The following KIZ variants were observed in gnomAD, a reference collection of about 807,000 sequenced individuals.
KIZ encodes centrosomal protein kizuna.
KIZ carries 68 observed loss-of-function variants against 79.6 expected under a neutral mutation model. The observed-to-expected ratio is 0.85, with a 90% confidence interval of 0.70 to 1.05. The LOEUF is 1.05. KIZ is among the 50% of genes least tolerant of loss of function. The probability of loss-of-function intolerance (pLI) is 0.00; values close to 1 mark genes in which losing one functional copy is unlikely to be tolerated. For synonymous variants in KIZ, 280 were observed against 281.8 expected (o/e 0.99, Z 0.06); for missense variants, 797 against 800.4 (o/e 1.00, Z 0.05).
intron 6 of KIZ, among the ~76,000 whole-genome samples, chr20:21,165,145 T>A (rs1242049362): frequency 1.3e-5 from 2 of 152,222 alleles, no homozygotes; most frequent in Non-Finnish European, 2.9e-5. Flanking sequence ...CTTTAGGGTC[T>A]GTTGGGGGCC....
chr20:21,202,923 T>C (rs1277879214), intron 6 of KIZ, among the ~76,000 whole-genome samples: 1 of 152,176 alleles, frequency 6.6e-6, no homozygotes, highest in Non-Finnish European at 1.5e-5. Flanking sequence ...TCAGTCTTGT[T>C]TTATCTCTCT....
At chr20:21,246,447 A>G in intron 12 of KIZ, 32 bp from the exon 13 acceptor site, 1 of 1,384,952 alleles carries the variant, frequency 7.2e-7, no homozygotes, top group Non-Finnish European at 1.0e-6. Context: ...GAATGCAAAA[A>G]TGTTAAATAA....
intron 7 of KIZ, among the ~76,000 whole-genome samples, chr20:21,210,810 AT>A (rs934926650): frequency 1.3e-5 from 2 of 151,342 alleles, no homozygotes; most frequent in Non-Finnish European, 2.9e-5. Context: ...ATGACATCCA[AT>A]TTTTTTTGTT....
intron 1 of KIZ, 31 bp from the exon 2 acceptor site, chr20:21,132,066 G>A (rs1423439898): frequency 1.1e-6 from 1 of 901,168 alleles, no homozygotes; most frequent in Admixed American, 2.3e-5. Context: ...TACTTATCAT[G>A]TAATTACTTA....
rs1008647963 is a variant in KIZ at position 21,182,310 on chromosome 20, C to G, written c.1352+19151C>G. Reference sequence around the variant, plus strand: ...AATACCAAGGACCCCATCTAGACACCACAGCCTTATATAGCTTCCAAAGAC... The same window carrying G: ...AATACCAAGGACCCCATCTAGACACGACAGCCTTATATAGCTTCCAAAGAC... On this transcript the variant is annotated intron_variant, in intron 6 of 12. Transcript: ENST00000619189. 2.6e-5 allele frequency among the ~76,000 whole-genome samples: 4 copies of G among 152,136 alleles called. No homozygotes were observed. In the East Asian group the frequency reaches 5.8e-4, roughly 22 times the overall value.
chr20:21,126,203 A>G lies in KIZ; in HGVS notation c.88A>G (p.Ser30Gly). ...LGQLQHGLRD[S>G]EKKRLDLEKK... ...CCAACTCCAGCACGGGCTGCGGGAC[A>G]GGTAAGGGCACTGGGGCGGGGGTGG... is the stretch of plus-strand genomic sequence containing the variant. The change falls in exon 1 of 13, where the codon AGT becomes GGT. Residue 30 changes from serine (S) to glycine (G), a missense_variant and splice_region_variant. Coordinates refer to ENST00000619189, the MANE Select transcript of KIZ (RefSeq NM_018474.6). 2 of 1,453,696 alleles carry G rather than the reference A, an allele frequency of 1.4e-6. No homozygotes were observed. Among genetic ancestry groups the G allele is most frequent in the East Asian group, 3.0e-5 (1 of 33,564 alleles). 90.0% of individuals were successfully genotyped at this position (1,453,696 alleles called of 1,614,324 possible). A position where few individuals can be genotyped will look rare whatever the true frequency, so the allele number is the denominator to read the frequency against.
At chr20:21,188,061 C>T (rs905496785) in intron 6 of KIZ, among the ~76,000 whole-genome samples, 1 of 152,180 alleles carries the variant, frequency 6.6e-6, no homozygotes, top group African/African-American at 2.4e-5. Flanking sequence ...AACTAGAATT[C>T]CTTTTCCTCA....
At chr20:21,150,273 C>T (rs940201107) in intron 4 of KIZ, among the ~76,000 whole-genome samples, 3 of 152,162 alleles carry the variant, frequency 2.0e-5, no homozygotes, top group South Asian at 2.1e-4. Flanking sequence ...GATATGGGCC[C>T]GCCCTCTCAC....
intron 11 of KIZ, among the ~76,000 whole-genome samples, chr20:21,236,576 A>C (rs754408980): frequency 3.3e-5 from 5 of 152,214 alleles, no homozygotes; most frequent in Admixed American, 2.0e-4. Context: ...CCTGGACATC[A>C]TAGACAGTGC....
At chr20:21,149,648 C>G (rs1022042542) in intron 4 of KIZ, among the ~76,000 whole-genome samples, 3 of 152,196 alleles carry the variant, frequency 2.0e-5, no homozygotes, top group Non-Finnish European at 4.4e-5. Flanking sequence ...GAGAAGACAG[C>G]ACCCCAGTAT....
intron 6 of KIZ, among the ~76,000 whole-genome samples, chr20:21,169,482 G>T (rs1341467674): frequency 6.6e-6 from 1 of 152,218 alleles, no homozygotes; most frequent in Non-Finnish European, 1.5e-5. Flanking sequence ...CTATTGATGG[G>T]AGTGTAAACT....
chr20:21,239,004 G>T (rs1047840059), intron 11 of KIZ, among the ~76,000 whole-genome samples: 2 of 152,138 alleles, frequency 1.3e-5, no homozygotes, highest in African/African-American at 4.8e-5. Flanking sequence ...TAGAACCCAC[G>T]GCTGCACATC....
At chr20:21,203,878 G>A (rs1038519765) in intron 6 of KIZ, among the ~76,000 whole-genome samples, 12 of 151,512 alleles carry the variant, frequency 7.9e-5, no homozygotes, top group Admixed American at 2.0e-4. Flanking sequence ...TTACTTTGTT[G>A]TACAACAGAT....
intron 1 of KIZ, among the ~76,000 whole-genome samples, chr20:21,127,827 C>T (rs2031579617): frequency 6.6e-6 from 1 of 152,202 alleles, no homozygotes; most frequent in East Asian, 1.9e-4. Flanking sequence ...GGTTCTTTAC[C>T]AGGAATGAGG....
At chr20:21,222,942 A>C (rs1253833329) in intron 9 of KIZ, among the ~76,000 whole-genome samples, 1 of 152,148 alleles carries the variant, frequency 6.6e-6, no homozygotes, top group Non-Finnish European at 1.5e-5. Flanking sequence ...ACATTATTCA[A>C]CCAACTACAG....
At chr20:21,220,629 A>G (rs1278757575) in intron 9 of KIZ, among the ~76,000 whole-genome samples, 3 of 151,912 alleles carry the variant, frequency 2.0e-5, no homozygotes, top group African/African-American at 7.3e-5. Flanking sequence ...GATTACAGGC[A>G]TGTTCCACCA....
intron 6 of KIZ, among the ~76,000 whole-genome samples, chr20:21,170,216 A>G (rs1456122261): frequency 6.6e-6 from 1 of 152,164 alleles, no homozygotes; most frequent in Non-Finnish European, 1.5e-5. Context: ...ATTTTAATAC[A>G]AGCATGCAAT....
At chr20:21,176,804 ACT>A (rs1463835148) in intron 6 of KIZ, among the ~76,000 whole-genome samples, 2 of 152,228 alleles carry the variant, frequency 1.3e-5, no homozygotes, top group African/African-American at 4.8e-5. Flanking sequence ...CTAGAATTAA[ACT>A]CTGTAACAGA....
intron 6 of KIZ, among the ~76,000 whole-genome samples, chr20:21,192,220 C>T (rs2035137199): frequency 6.6e-6 from 1 of 151,082 alleles, no homozygotes. Context: ...TTCTGAATTA[C>T]ATGTTCATCA....
Sources: allele counts gnomAD v4.1 joint callset (sites outside exome capture counted in the v4.1 genomes callset), GRCh38; gene constraint gnomAD v4.1.1; transcripts MANE v1.5; gene names NCBI Gene and HGNC (gene_info 2026-07-23, HGNC 2026-07-21).